The following TDRD5 variants were observed in gnomAD, a reference collection of about 807,000 sequenced individuals.
TDRD5 encodes the protein tudor domain containing 5, also known as tudor domain-containing protein 5.
TDRD5 carries 41 observed loss-of-function variants against 120.6 expected under a neutral mutation model. That is an observed-to-expected ratio of 0.34 (90% CI 0.26 to 0.44). The LOEUF is 0.44. Among genes scored for constraint, TDRD5 ranks in the 20% least tolerant of loss-of-function variants. The pLI is 1.00. For synonymous variants in TDRD5, 430 were observed against 433.7 expected, an observed-to-expected ratio of 0.99 and a Z score of 0.11; for missense variants, 1,006 against 1,221.2, an observed-to-expected ratio of 0.82 and a Z score of 2.63.
At chr1:179,672,234 G>C (rs1679893710) in intron 17 of TDRD5, among the ~76,000 whole-genome samples, 1 of 152,070 alleles carries the variant, frequency 6.6e-6, no homozygotes, top group African/African-American at 2.4e-5. Flanking sequence ...CTTACCAATA[G>C]CATAAAAGCA....
intron 11 of TDRD5, among the ~76,000 whole-genome samples, chr1:179,648,409 G>T (rs1332405122): frequency 8.6e-6 from 1 of 116,446 alleles, no homozygotes; most frequent in Non-Finnish European, 1.8e-5. Flanking sequence ...AGAACACATG[G>T]ACACAGGAAG....
At chr1:179,607,149 A>G (rs988006746) in intron 4 of TDRD5, among the ~76,000 whole-genome samples, 6 of 152,008 alleles carry the variant, frequency 3.9e-5, no homozygotes, top group African/African-American at 1.2e-4. Context: ...GATCTTGTAC[A>G]TATTTTTTTA....
chr1:179,650,870 C>A lies in TDRD5; in HGVS notation c.1804C>A (p.His602Asn). The change falls in exon 12 of 18, where the codon CAC becomes AAC. Residue 602 changes from histidine (H) to asparagine (N), a missense_variant. Physicochemically the swap from His to Asn is moderately conservative, Grantham distance 68. Transcript: ENST00000444136. Reference protein sequence around the residue: ...SLAWVRPVEEHWTSKAILQFQ... With the variant: ...SLAWVRPVEENWTSKAILQFQ... ...CAATATCTTGATCATATTTCAGGAA[C>A]ACTGGACATCGAAAGCTATTTTGCA... 1 of 1,614,010 alleles carries A rather than the reference C, an allele frequency of 6.2e-7. No homozygotes were observed. The highest frequency in any genetic ancestry group is 8.5e-7 in the Non-Finnish European group (1 of 1,179,964).
intron 11 of TDRD5, among the ~76,000 whole-genome samples, chr1:179,645,090 T>C (rs572436297): frequency 0.34 from 44,135 of 131,094 alleles, 7,094 homozygotes; most frequent in Admixed American, 0.41. Flanking sequence ...TTTTTTTTTT[T>C]TTTTTTTTTT....
chr1:179,676,750 C>T (rs1270450727), intron 17 of TDRD5, among the ~76,000 whole-genome samples: 1 of 152,174 alleles, frequency 6.6e-6, no homozygotes, highest in Admixed American at 6.5e-5. Context: ...TTGTAGGTTA[C>T]CTGATGCTTT....
intron 17 of TDRD5, 109 bp from the exon 18 acceptor site, chr1:179,690,587 T>C (rs908333206): frequency 6.8e-7 from 1 of 1,464,272 alleles, no homozygotes; most frequent in Non-Finnish European, 9.1e-7. Context: ...TGTCGCTACC[T>C]AACAGAAAAT....
Position 179,691,132 on chromosome 1 carries a change from C to G in TDRD5, c.*189C>G. The G allele has an allele frequency of 1.5e-6, 1 of 645,656 alleles. No individual in the cohort carries two copies. The highest frequency in any genetic ancestry group is 2.4e-6 in the Non-Finnish European group (1 of 423,748). The allele number at this position is 645,656 out of a possible 1,614,324, so 40.0% of individuals were successfully genotyped here. On this transcript the variant is annotated 3_prime_UTR_variant, in exon 18 of 18. Transcript: ENST00000444136. The stretch of plus-strand genomic sequence containing the variant: ...ATGTGTAAGTAAGTATTGATATTTA[C>G]TGTTAATCTTGATTTTTCTTGATTT...
At chr1:179,674,137 G>GTTC (rs1679996337) in intron 17 of TDRD5, among the ~76,000 whole-genome samples, 1 of 152,142 alleles carries the variant, frequency 6.6e-6, no homozygotes, top group South Asian at 2.1e-4. Flanking sequence ...TTCTCAGGGG[G>GTTC]AATGCTTTCA....
chr1:179,643,685 C>T (rs939883816), intron 11 of TDRD5, among the ~76,000 whole-genome samples: 6 of 152,022 alleles, frequency 3.9e-5, no homozygotes, highest in Middle Eastern at 3.2e-3. Flanking sequence ...TGAAAATGGA[C>T]AGAGACTTAA....
rs1269405522 is a variant in TDRD5, at chr1:179,594,226, T to C, written c.640+359T>C. Among the ~76,000 whole-genome samples, 3 of 152,222 alleles carry C rather than the reference T, an allele frequency of 2.0e-5. No homozygotes were observed. The East Asian group carries it at 5.8e-4, about 29-fold the overall frequency. ...AATGTGTTCATATAAATAAGCTATA[T>C]GGAAAATGAAAAGTTAAAATACTTA... On this transcript the variant is annotated intron_variant, in intron 3 of 17. Transcript: ENST00000444136.
intron 17 of TDRD5, among the ~76,000 whole-genome samples, chr1:179,671,794 G>C (rs770842321): frequency 6.6e-6 from 1 of 151,834 alleles, no homozygotes; most frequent in Non-Finnish European, 1.5e-5. Context: ...ATGCCTTTGC[G>C]TCCTCATAGC....
intron 14 of TDRD5, among the ~76,000 whole-genome samples, chr1:179,659,228 A>G (rs992153191): frequency 9.9e-5 from 15 of 152,014 alleles, no homozygotes; most frequent in Non-Finnish European, 2.1e-4. Context: ...TGTTTGGTGG[A>G]GTTTCTATAA....
At chr1:179,685,180 A>T (rs4514208) in intron 17 of TDRD5, among the ~76,000 whole-genome samples, 54,285 of 151,982 alleles carry the variant, frequency 0.36, 9,767 homozygotes, top group Admixed American at 0.43. Context: ...GTTTTAGGTC[A>T]AATATTTAAG....
chr1:179,667,371 T>G (rs1679612358), intron 16 of TDRD5, among the ~76,000 whole-genome samples: 1 of 152,244 alleles, frequency 6.6e-6, no homozygotes, highest in Non-Finnish European at 1.5e-5. Flanking sequence ...TAAAAATGTT[T>G]CTGTATATTA....
Position 179,662,404 on chromosome 1 carries a change from C to T in TDRD5, c.2505+118C>T, listed in dbSNP as rs552130943. The T allele has an allele frequency of 1.7e-4, 173 of 1,044,504 alleles. No homozygotes were observed. The African/African-American group carries it at 2.4e-3, about 15-fold the overall frequency. The allele number at this position is 1,044,504 out of a possible 1,614,324, so 64.7% of individuals were successfully genotyped here. ...TCAGTTGAGCTCAGGAGTTCATGAC[C>T]AGCCTGGGCAACATGGTGAGACCCT... is the stretch of plus-strand genomic sequence containing the variant. On this transcript the variant is annotated intron_variant, in intron 15 of 17. Coordinates refer to ENST00000444136, the MANE Select transcript of TDRD5 (RefSeq NM_001199085.3).
chr1:179,690,581 G>A (rs559422011), intron 17 of TDRD5, 115 bp from the exon 18 acceptor site: 51 of 1,412,376 alleles, frequency 3.6e-5, no homozygotes, highest in South Asian at 2.6e-4. Context: ...GGTAATTGTC[G>A]CTACCTAACA....
Position 179,592,803 on chromosome 1 carries a change from T to C in TDRD5, c.188T>C (p.Val63Ala). 6.2e-7 allele frequency: 1 copy of C among 1,614,168 alleles called. No individual in the cohort carries two copies. The highest frequency in any genetic ancestry group is 8.5e-7 in the Non-Finnish European group (1 of 1,180,032). ...TMELVLDMPD[V>A]VRVCPGAGGT... ...GAGCTGGTATTGGACATGCCTGATG[T>C]TGTTCGTGTCTGCCCCGGTGCAGGT... Residue 63 changes from valine to alanine, a missense_variant, in exon 2 of 18, where the codon GTT becomes GCT. By Grantham distance (64) the Val-to-Ala change is moderately conservative. Coordinates refer to ENST00000444136, the MANE Select transcript of TDRD5 (RefSeq NM_001199085.3).
At chr1:179,650,787 C>T in intron 11 of TDRD5, 80 bp from the exon 12 acceptor site, 1 of 1,404,126 alleles carries the variant, frequency 7.1e-7, no homozygotes, top group South Asian at 1.2e-5. Context: ...TCTAGTTCAT[C>T]AGAATTCATT....
At chr1:179,625,789 G>A (rs115631802) in intron 6 of TDRD5, among the ~76,000 whole-genome samples, 1,526 of 152,198 alleles carry the variant, frequency 0.01, 31 homozygotes, top group African/African-American at 0.034. Flanking sequence ...ATTGTGGTAC[G>A]TTTGTACAAC....
Sources: allele counts gnomAD v4.1 joint callset (sites outside exome capture counted in the v4.1 genomes callset), GRCh38; gene constraint gnomAD v4.1.1; transcripts MANE v1.5; gene names NCBI Gene and HGNC (gene_info 2026-07-23, HGNC 2026-07-21).